P2RX5: variants seen among roughly 807,000 people sequenced by gnomAD.
P2RX5 encodes the protein P2X purinoceptor 5.
P2RX5 carries 46 observed loss-of-function variants against 54.1 expected under a neutral mutation model. That is an observed-to-expected ratio of 0.85 (90% CI 0.67 to 1.09). The LOEUF (loss-of-function observed/expected upper bound fraction) is 1.09. Ranked by LOEUF, P2RX5 falls within the 50% of genes least tolerant of loss-of-function variation. P2RX5 has a pLI of 0.00. For missense variants in P2RX5, 566 were observed against 549.8 expected (o/e 1.03, Z -0.29); for synonymous variants, 226 against 226.4 (o/e 1.00, Z 0.02).
intron 9 of P2RX5, chr17:3,685,666 G>GCCCCCCCCCCCCCCCC (rs2050435176): frequency 1.7e-4 from 9 of 51,762 alleles, no homozygotes; most frequent in Non-Finnish European, 2.8e-4. Flanking sequence ...CTCCCAGCCT[G>GCCCCCCCCCCCCCCCC]AGAACAGGAG....
chr17:3,711,317 C>T, the P2RX5 span, among the ~76,000 whole-genome samples: 1 of 150,316 alleles, frequency 6.7e-6, no homozygotes, highest in Non-Finnish European at 1.5e-5. Context: ...TTATTTAGAC[C>T]TCATTCAATT....
Position 3,679,740 on chromosome 17 carries a change from C to T in P2RX5, c.1109G>A (p.Gly370Glu), listed in dbSNP as rs1428569739. 1.2e-6 allele frequency: 2 copies of T among 1,612,358 alleles called. No individual in the cohort carries two copies. Among genetic ancestry groups the T allele is most frequent in the African/African-American group, 1.3e-5 (1 of 74,994 alleles). ...SSQEAEDEAS[G>E]LGLSEQLTSG... is the part of the protein sequence containing the mutation. ...TGTGAGCTGCTCAGATAGCCCCAGC[C>T]CCGATGCCTCGTCCTCGGCCTCCTG... The change falls in exon 11 of 12, where the codon GGG (glycine) becomes GAG (glutamate). Residue 370 changes from glycine to glutamate, a missense_variant. By Grantham distance (98) the Gly-to-Glu change is moderately conservative. Transcript: ENST00000225328.
chr17:3,723,522 G>A, the P2RX5 span: 345,834 of 987,564 alleles, frequency 0.35, 65,591 homozygotes, highest in East Asian at 0.6. Context: ...CGGCCCAAGC[G>A]AAGCTCCAGC....
At position 3,690,077 on chromosome 17, in the gene P2RX5, A is replaced by T. The variant is rs558781817; in HGVS notation, c.607T>A (p.Phe203Ile). Residue 203 changes from phenylalanine (F) to isoleucine (I), a missense_variant, in exon 6 of 12, where the codon TTC becomes ATC. Coordinates refer to ENST00000225328, the MANE Select transcript of P2RX5 (RefSeq NM_002561.4). ...KNHIRFPKFN[F>I]SKSNVMDVKD... ...GTAGCCAAGCCCACGTACTTGGAGA[A>T]GTTGAATTTGGGGAAACGGATGTGG... The T allele has an allele frequency of 2.0e-5, 33 of 1,614,078 alleles. No homozygotes were observed. The South Asian group carries it at 3.0e-4, about 14-fold the overall frequency.
upstream of P2RX5, among the ~76,000 whole-genome samples, chr17:3,696,892 A>G (rs913135228): frequency 3.3e-5 from 5 of 152,164 alleles, no homozygotes; most frequent in African/African-American, 1.2e-4. Flanking sequence ...GTCTCCTGCC[A>G]GGGAGATACA....
upstream of P2RX5, among the ~76,000 whole-genome samples, chr17:3,699,909 G>T (rs879369235): frequency 1.8e-4 from 7 of 38,382 alleles, no homozygotes; most frequent in East Asian, 3.1e-3. Flanking sequence ...AAGGAAGGAA[G>T]GAAGGAAGGA....
At chr17:3,723,566 A>G in the P2RX5 span, 1 of 1,117,090 alleles carries the variant, frequency 9.0e-7, no homozygotes, top group South Asian at 1.5e-5. Context: ...GAAGCTAGGG[A>G]GGGCCTGGCA....
rs576132800 is a variant in P2RX5, at chr17:3,673,431, G to A, written c.*437C>T. On this transcript the variant is annotated 3_prime_UTR_variant, in exon 12 of 12. Coordinates refer to ENST00000225328, the MANE Select transcript of P2RX5 (RefSeq NM_002561.4). ...GAGAGTATGCTCTGAGGGAAGCTGCGGCACTTGCAGAGGGGAGTGGGCTGG... is the reference window on the plus strand; with the variant it reads ...GAGAGTATGCTCTGAGGGAAGCTGCAGCACTTGCAGAGGGGAGTGGGCTGG... 5.6e-6 allele frequency: 6 copies of A among 1,078,454 alleles called. No homozygotes were observed. Among genetic ancestry groups the A allele is most frequent in the Middle Eastern group, 4.5e-4 (1 of 2,222 alleles). The allele number at this position is 1,078,454 out of a possible 1,614,324, so 66.8% of individuals were successfully genotyped here. A position where few individuals can be genotyped will look rare whatever the true frequency, so the allele number is the denominator to read the frequency against.
At chr17:3,699,932 A>G (rs1354994829), upstream of P2RX5, among the ~76,000 whole-genome samples, 1 of 107,368 alleles carries the variant, frequency 9.3e-6, no homozygotes, top group South Asian at 4.3e-4. Context: ...GAAAGAAAGA[A>G]AGAAAGAAAG....
chr17:3,696,629 G>A (rs1333928965), upstream of P2RX5, among the ~76,000 whole-genome samples: 7 of 151,876 alleles, frequency 4.6e-5, no homozygotes, highest in Admixed American at 2.6e-4. Context: ...TAGTAGAGAC[G>A]GGGTTTCACC....
intron 11 of P2RX5, chr17:3,677,784 C>T (rs1424217592): frequency 1.0e-6 from 1 of 985,338 alleles, no homozygotes; most frequent in Non-Finnish European, 1.2e-6. Context: ...AAGGTGCAGC[C>T]AGGTTGAGGG....
rs1209697519 is a variant in P2RX5 at position 3,690,056 on chromosome 17, C to T, written c.614+14G>A. 6.2e-7 allele frequency: 1 copy of T among 1,613,418 alleles called. No individual in the cohort carries two copies. The highest frequency in any genetic ancestry group is 1.1e-5 in the South Asian group (1 of 91,082). On this transcript the variant is annotated intron_variant, in intron 6 of 11. Coordinates refer to ENST00000225328, the MANE Select transcript of P2RX5 (RefSeq NM_002561.4). The stretch of plus-strand genomic sequence containing the variant: ...AAGGCCCACCCGTGGCCCCCAGTAG[C>T]CAAGCCCACGTACTTGGAGAAGTTG...
intron 1 of P2RX5, among the ~76,000 whole-genome samples, chr17:3,693,142 AAAAG>A (rs1239563481): frequency 6.6e-6 from 1 of 151,198 alleles, no homozygotes; most frequent in African/African-American, 2.4e-5. Flanking sequence ...AAAAAAAAAA[AAAAG>A]AGAGAGAGAG....
upstream of P2RX5, among the ~76,000 whole-genome samples, chr17:3,698,933 C>T (rs948532028): frequency 1.3e-5 from 2 of 152,176 alleles, no homozygotes; most frequent in East Asian, 1.9e-4. Context: ...AGGTTGGGCA[C>T]AGGCGCTCAT....
intron 2 of P2RX5, 58 bp from the exon 3 acceptor site, chr17:3,691,085 C>A: frequency 1.6e-6 from 2 of 1,282,786 alleles, no homozygotes; most frequent in South Asian, 2.4e-5. Flanking sequence ...ACCACCCCAC[C>A]TTTCCAGCGT....
At chr17:3,702,838 T>C in the P2RX5 span, among the ~76,000 whole-genome samples, 1 of 152,202 alleles carries the variant, frequency 6.6e-6, no homozygotes, top group Admixed American at 6.5e-5. Flanking sequence ...AGCCTGCCAT[T>C]TTCTTTTTAC....
the P2RX5 span, among the ~76,000 whole-genome samples, chr17:3,705,143 T>C: frequency 2.6e-5 from 4 of 152,200 alleles, no homozygotes; most frequent in Non-Finnish European, 2.9e-5. Flanking sequence ...CCCCACAGCA[T>C]GTGTGAACTT....
In P2RX5 at chr17:3,688,052, T is replaced by C; in HGVS notation, c.941A>G (p.Lys314Arg). The change falls in exon 9 of 12, where the codon AAA becomes AGA. Residue 314 changes from lysine (K) to arginine (R), a missense_variant. Lys to Arg is a conservative substitution (Grantham distance 26). Transcript: ENST00000225328. ...CACGTCAAAGCGGATCCCGTAGGCTTTCATCAGGGTGCGGAACTCCACCCC... is the reference window on the plus strand; with the variant it reads ...CACGTCAAAGCGGATCCCGTAGGCTCTCATCAGGGTGCGGAACTCCACCCC... The part of the protein sequence containing the change: ...AAGVEFRTLM[K>R]AYGIRFDVMV... 1.9e-6 allele frequency: 3 copies of C among 1,601,224 alleles called. No homozygotes were observed. Among genetic ancestry groups the C allele is most frequent in the Non-Finnish European group, 2.6e-6 (3 of 1,174,104 alleles).
chr17:3,684,583 CAG>C (rs1166750743), intron 9 of P2RX5, among the ~76,000 whole-genome samples: 21 of 152,162 alleles, frequency 1.4e-4, no homozygotes, highest in Non-Finnish European at 2.9e-5. Context: ...GCCTGGGCAA[CAG>C]AGCAAAAACC....
Sources: allele counts gnomAD v4.1 joint callset (sites outside exome capture counted in the v4.1 genomes callset), GRCh38; gene constraint gnomAD v4.1.1; transcripts MANE v1.5; gene names NCBI Gene and HGNC (gene_info 2026-07-23, HGNC 2026-07-21).